Variants in PDXDC1 observed in about 807,000 individuals in gnomAD.
The protein encoded by PDXDC1 is pyridoxal dependent decarboxylase domain containing 1, also known as pyridoxal-dependent decarboxylase domain-containing protein 1.
Under a neutral mutation model 100.1 loss-of-function variants are expected in PDXDC1, and 42 were observed. The ratio of observed to expected loss-of-function variants is 0.42; its 90% CI spans 0.33 to 0.54. The LOEUF (loss-of-function observed/expected upper bound fraction) is 0.54. PDXDC1 is among the 20% of genes least tolerant of loss of function. The pLI, the probability that PDXDC1 is intolerant of heterozygous loss-of-function variation, is 0.10. For missense variants in PDXDC1, 636 were observed against 979.2 expected, an observed-to-expected ratio of 0.65 and a Z score of 4.68; for synonymous variants, 260 against 371.7, an observed-to-expected ratio of 0.70 and a Z score of 3.46.
intron 16 of PDXDC1, chr16:15,137,275 GA>G (rs1795706528): frequency 1.2e-6 from 1 of 802,676 alleles, no homozygotes; most frequent in Non-Finnish European, 2.0e-6. Flanking sequence ...AGACGTGCTG[GA>G]GGAGGGTGGG....
At chr16:15,098,811 G>T (rs1187384404) in intron 16 of PDXDC1, among the ~76,000 whole-genome samples, 1 of 151,962 alleles carries the variant, frequency 6.6e-6, no homozygotes, top group Non-Finnish European at 1.5e-5. Flanking sequence ...CTGGGAGGCA[G>T]AGGTTGCAGT....
chr16:15,080,778 C>A (rs1465710726), intron 16 of PDXDC1, among the ~76,000 whole-genome samples: 3 of 151,868 alleles, frequency 2.0e-5, no homozygotes, highest in African/African-American at 7.3e-5. Context: ...CATTAGTGCA[C>A]CCCTAAAAAA....
At chr16:15,145,320 G>C in the PDXDC1 span, among the ~76,000 whole-genome samples, 8 of 152,236 alleles carry the variant, frequency 5.3e-5, no homozygotes, top group African/African-American at 7.2e-5. Flanking sequence ...ATGATGGCAC[G>C]AGCCATCCTG....
chr16:14,984,478 T>TAC (rs1968821439), intron 1 of PDXDC1, among the ~76,000 whole-genome samples: 1 of 83,482 alleles, frequency 1.2e-5, no homozygotes, highest in Non-Finnish European at 2.4e-5. Context: ...TGTGTATACA[T>TAC]ATATATATAT....
intron 16 of PDXDC1, among the ~76,000 whole-genome samples, chr16:15,092,906 G>A (rs1256104483): frequency 6.6e-6 from 1 of 152,098 alleles, no homozygotes; most frequent in South Asian, 2.1e-4. Flanking sequence ...TTTTACTACA[G>A]CCATAACGTC....
chr16:15,062,442 T>C (rs1346640893), intron 16 of PDXDC1, among the ~76,000 whole-genome samples: 1 of 152,098 alleles, frequency 6.6e-6, no homozygotes, highest in Non-Finnish European at 1.5e-5. Flanking sequence ...AAAAAAGCCA[T>C]CTTGAAGCTG....
chr16:15,030,317 G>C (rs1437339948), intron 16 of PDXDC1, among the ~76,000 whole-genome samples: 2 of 152,220 alleles, frequency 1.3e-5, no homozygotes, highest in African/African-American at 4.8e-5. Context: ...GGCCAAGGCA[G>C]GCAGATCATC....
chr16:15,056,340 G>A (rs1055367786), intron 16 of PDXDC1, among the ~76,000 whole-genome samples: 2 of 152,234 alleles, frequency 1.3e-5, no homozygotes, highest in African/African-American at 4.8e-5. Flanking sequence ...GAGAGCCTCC[G>A]GGCGAGTTCC....
At chr16:15,140,575 G>A (rs1180363048), downstream of PDXDC1, among the ~76,000 whole-genome samples, 1 of 152,102 alleles carries the variant, frequency 6.6e-6, no homozygotes, top group Non-Finnish European at 1.5e-5. Flanking sequence ...ACAGCCATGG[G>A]AAAGACATCC....
intron 16 of PDXDC1, chr16:15,047,514 G>A (rs771729062): frequency 1.1e-5 from 18 of 1,614,008 alleles, no homozygotes; most frequent in Non-Finnish European, 1.4e-5. Flanking sequence ...TTTGGTGTCG[G>A]TTCCGTCACA....
At chr16:15,135,177 G>A (rs1179469847) in intron 16 of PDXDC1, 6 of 852,296 alleles carry the variant, frequency 7.0e-6, no homozygotes, top group Admixed American at 4.1e-5. Flanking sequence ...AACAGAGAGG[G>A]AAGAGCGCGC....
At chr16:15,059,440 ACATG>A (rs1217745947) in intron 16 of PDXDC1, among the ~76,000 whole-genome samples, 1 of 152,224 alleles carries the variant, frequency 6.6e-6, no homozygotes, top group African/African-American at 2.4e-5. Flanking sequence ...ATTAACTTGT[ACATG>A]CATCGAATCC....
At chr16:14,994,868 T>C (rs1971625685) in intron 1 of PDXDC1, among the ~76,000 whole-genome samples, 1 of 152,418 alleles carries the variant, frequency 6.6e-6, no homozygotes, top group South Asian at 2.1e-4. Flanking sequence ...CCCTTGTAAG[T>C]TGGATTCCTA....
intron 16 of PDXDC1, chr16:15,137,384 C>G (rs2048381590): frequency 8.6e-6 from 13 of 1,517,336 alleles, no homozygotes; most frequent in Non-Finnish European, 1.1e-5. Context: ...ACACAGGCAC[C>G]AGCCCTGCTC....
intron 16 of PDXDC1, among the ~76,000 whole-genome samples, chr16:15,068,496 C>T (rs2045076788): frequency 6.6e-6 from 1 of 152,302 alleles, no homozygotes; most frequent in Middle Eastern, 3.4e-3. Flanking sequence ...GGCAGCTTCT[C>T]TAAAGAAAAC....
the PDXDC1 span, among the ~76,000 whole-genome samples, chr16:15,146,319 A>C: frequency 6.6e-6 from 1 of 152,170 alleles, no homozygotes; most frequent in African/African-American, 2.4e-5. Context: ...CACCAGCGAC[A>C]GCGCACACCG....
chr16:15,132,393 A>AGGGGAGGGAAG (rs1160223394), intron 16 of PDXDC1, among the ~76,000 whole-genome samples: 6 of 40,778 alleles, frequency 1.5e-4, no homozygotes, highest in African/African-American at 6.1e-4. Flanking sequence ...GGGAGGGGTT[A>AGGGGAGGGAAG]GGGGAGGGAA....
chr16:15,135,774 A>C (rs1358122681), intron 16 of PDXDC1: 18 of 1,594,932 alleles, frequency 1.1e-5, no homozygotes, highest in Non-Finnish European at 1.5e-5. Context: ...ACGCGGTATG[A>C]GCCACCCTCA....
downstream of PDXDC1, chr16:15,038,803 A>G (rs1361023775): frequency 1.6e-6 from 1 of 610,174 alleles, no homozygotes. Context: ...TAAGCTTCTT[A>G]AAACCTGTCT....
Sources: gnomAD v4.1 joint callset for allele counts (sites outside exome capture counted in the v4.1 genomes callset) on GRCh38, gnomAD v4.1.1 for gene constraint, MANE v1.5 for transcripts, NCBI Gene and HGNC (gene_info 2026-07-23, HGNC 2026-07-21) for gene names.